The following ARMC3 variants were observed in gnomAD, a reference collection of about 807,000 sequenced individuals.
ARMC3 encodes the protein armadillo repeat containing 3.
Under a neutral mutation model 90.3 loss-of-function variants are expected in ARMC3, and 74 were observed. That is an observed-to-expected ratio of 0.82 (90% CI 0.68 to 0.99). ARMC3 has a LOEUF of 0.99. Ranked by LOEUF, ARMC3 falls within the 50% of genes least tolerant of loss-of-function variation. ARMC3 has a pLI of 0.00. For synonymous variants in ARMC3, 334 were observed against 361.8 expected (o/e 0.92, Z 0.87); for missense variants, 958 against 1,042.8 (o/e 0.92, Z 1.12).
chr10:23,012,990 G>A (rs1039667283), intron 16 of ARMC3, among the ~76,000 whole-genome samples: 2 of 150,628 alleles, frequency 1.3e-5, no homozygotes, highest in Non-Finnish European at 2.9e-5. Flanking sequence ...CCAGGTTCAC[G>A]CAATTCTCGG....
intron 8 of ARMC3, among the ~76,000 whole-genome samples, chr10:22,977,462 T>C (rs1032754795): frequency 1.3e-5 from 2 of 152,160 alleles, no homozygotes; most frequent in African/African-American, 4.8e-5. Context: ...GAACCTCCAT[T>C]TCCCAGATCT....
chr10:22,961,693 A>G, intron 6 of ARMC3, 191 bp from the exon 7 acceptor site: 1 of 551,062 alleles, frequency 1.8e-6, no homozygotes, highest in Non-Finnish European at 3.2e-6. Flanking sequence ...ATGTCTACAT[A>G]TTACAGTTAA....
At chr10:22,985,288 C>T (rs142447472) in intron 10 of ARMC3, among the ~76,000 whole-genome samples, 4 of 152,198 alleles carry the variant, frequency 2.6e-5, no homozygotes, top group African/African-American at 9.6e-5. Context: ...ATGTGACCCT[C>T]GGAGGTGTTC....
chr10:22,966,668 G>A (rs1297680426), intron 7 of ARMC3, among the ~76,000 whole-genome samples: 1 of 152,162 alleles, frequency 6.6e-6, no homozygotes, highest in Non-Finnish European at 1.5e-5. Context: ...AAGAAAAGAG[G>A]TTTAAATGAC....
chr10:22,934,431 T>G (rs922763675), intron 2 of ARMC3, among the ~76,000 whole-genome samples: 14 of 152,262 alleles, frequency 9.2e-5, no homozygotes, highest in African/African-American at 3.1e-4. Flanking sequence ...ACTATATTCT[T>G]CCTTTCCAAA....
At chr10:22,994,522 A>G (rs768244718) in intron 10 of ARMC3, among the ~76,000 whole-genome samples, 2 of 152,192 alleles carry the variant, frequency 1.3e-5, no homozygotes, top group African/African-American at 2.4e-5. Context: ...ACGTAGCAAG[A>G]CTCCATCTCT....
chr10:22,962,993 G>GT (rs943873640), intron 7 of ARMC3, among the ~76,000 whole-genome samples: 2 of 152,108 alleles, frequency 1.3e-5, no homozygotes, highest in African/African-American at 4.8e-5. Context: ...ATTTTATCCT[G>GT]TTTTTTAAAA....
intron 16 of ARMC3, among the ~76,000 whole-genome samples, chr10:23,015,106 A>G (rs1193817709): frequency 5.3e-5 from 8 of 152,162 alleles, no homozygotes; most frequent in Admixed American, 2.0e-4. Flanking sequence ...AAGAGATGGG[A>G]AAGAAGTAAG....
intron 16 of ARMC3, among the ~76,000 whole-genome samples, chr10:23,009,443 G>A (rs76061914): frequency 0.011 from 1,668 of 152,274 alleles, 28 homozygotes; most frequent in African/African-American, 0.038. Flanking sequence ...ATAGAGCAAC[G>A]CTCTTACTTG....
rs1054477183 is a variant in ARMC3, at chr10:22,959,134, A to G, written c.357A>G (p.Pro119=). The part of the protein sequence containing the change: ...VMNSVIAQLA[P]EEEVVIHEFA... ...ATTCTGTCATTGCCCAGCTCGCTCC[A>G]GAAGGTAACTTTGCATTCTATATCT... The change falls in exon 5 of 19, where the codon CCA becomes CCG. Residue 119 remains proline, a synonymous_variant. Transcript: ENST00000298032. 6.2e-7 allele frequency: 1 copy of G among 1,612,618 alleles called. No individual in the cohort carries two copies. Among genetic ancestry groups the G allele is most frequent in the African/African-American group, 1.3e-5 (1 of 75,006 alleles).
rs545713714 is a variant in ARMC3, at chr10:22,958,678, A to G, written c.293-392A>G. Among the ~76,000 whole-genome samples the G allele has an allele frequency of 4.1e-4, 62 of 152,230 alleles. No homozygotes were observed. The South Asian group carries it at 5.8e-3, about 14-fold the overall frequency. ...TTCCTTATCTGTAAAATGAGATAAT[A>G]ATATTACCTGTCTCATAAGGGACTG... is the stretch of plus-strand genomic sequence containing the variant. On this transcript the variant is annotated intron_variant, in intron 4 of 18. Transcript: ENST00000298032.
At position 23,016,408 on chromosome 10, in the gene ARMC3, T is replaced by C. The variant is rs552725931; in HGVS notation, c.2045+7477T>C. On this transcript the variant is annotated intron_variant, in intron 16 of 18. Coordinates refer to ENST00000298032, the MANE Select transcript of ARMC3 (RefSeq NM_173081.5). ...AAATATTCTATATGTTTACCTGCTC[T>C]CCTTTTCATCCACCTATGAATGTAG... Among the ~76,000 whole-genome samples the C allele has an allele frequency of 5.9e-5, 9 of 152,326 alleles. No individual in the cohort carries two copies. In the South Asian group the frequency reaches 1.2e-3, roughly 21 times the overall value.
chr10:23,008,856 T>C lies in ARMC3; in HGVS notation c.1970T>C (p.Ile657Thr). 1 of 1,613,996 alleles carries C rather than the reference T, an allele frequency of 6.2e-7. No homozygotes were observed. The change falls in exon 16 of 19, where the codon ATA becomes ACA. Residue 657 changes from isoleucine to threonine, a missense_variant. By Grantham distance (89) the Ile-to-Thr change is moderately conservative. Coordinates refer to ENST00000298032, the MANE Select transcript of ARMC3 (RefSeq NM_173081.5). The part of the protein sequence containing the change: ...YHFSAGFGSP[I>T]EDKSEPASGR... ...TTTAGTGCTGGATTTGGATCTCCCA[T>C]AGAAGACAAATCAGAGCCAGCTTCT...
chr10:22,953,604 C>T (rs967381954), intron 3 of ARMC3, among the ~76,000 whole-genome samples: 1 of 151,584 alleles, frequency 6.6e-6, no homozygotes, highest in Admixed American at 6.6e-5. Context: ...GAATGCTTTT[C>T]CCCTAAGATC....
At chr10:23,003,994 T>C (rs1020620456) in intron 13 of ARMC3, among the ~76,000 whole-genome samples, 1 of 151,872 alleles carries the variant, frequency 6.6e-6, no homozygotes, top group Admixed American at 6.6e-5. Flanking sequence ...AAAAGAACTT[T>C]AAAAAATTAG....
At chr10:22,931,094 A>G (rs1564333564) in intron 1 of ARMC3, among the ~76,000 whole-genome samples, 1 of 151,962 alleles carries the variant, frequency 6.6e-6, no homozygotes, top group Non-Finnish European at 1.5e-5. Flanking sequence ...ACACCCGGCT[A>G]ATTTTTGTAT....
intron 10 of ARMC3, among the ~76,000 whole-genome samples, chr10:22,991,966 A>C (rs1218569395): frequency 6.6e-6 from 1 of 152,216 alleles, no homozygotes; most frequent in Non-Finnish European, 1.5e-5. Flanking sequence ...TGCAAAAGTC[A>C]TTTATTATGA....
chr10:22,969,933 T>C (rs1360709357), intron 8 of ARMC3, among the ~76,000 whole-genome samples: 1 of 152,168 alleles, frequency 6.6e-6, no homozygotes, highest in Non-Finnish European at 1.5e-5. Context: ...GCTGCAGAGT[T>C]CCTGGTACTA....
chr10:23,016,269 C>A (rs1564398654), intron 16 of ARMC3, among the ~76,000 whole-genome samples: 1 of 152,168 alleles, frequency 6.6e-6, no homozygotes, highest in Admixed American at 6.5e-5. Flanking sequence ...GGTTCATGAC[C>A]TGTATTTCTC....
Sources: allele counts gnomAD v4.1 joint callset (sites outside exome capture counted in the v4.1 genomes callset), GRCh38; gene constraint gnomAD v4.1.1; transcripts MANE v1.5; gene names NCBI Gene and HGNC (gene_info 2026-07-23, HGNC 2026-07-21).